The following PDE6A variants were observed in gnomAD, a reference collection of about 807,000 sequenced individuals.
The protein encoded by PDE6A is rod cGMP-specific 3',5'-cyclic phosphodiesterase subunit alpha.
In PDE6A, 84 loss-of-function variants were observed where a neutral mutation model predicts 106.3. That is an observed-to-expected ratio of 0.79 (90% confidence interval 0.66 to 0.95). The LOEUF is 0.95. Among genes scored for constraint, PDE6A ranks in the 40% least tolerant of loss-of-function variants. The probability of loss-of-function intolerance (pLI) is 0.00; values close to 1 mark genes in which losing one functional copy is unlikely to be tolerated. For missense variants in PDE6A, 1,052 were observed against 1,084.9 expected, an observed-to-expected ratio of 0.97 and a Z score of 0.43; for synonymous variants, 394 against 386.6, an observed-to-expected ratio of 1.02 and a Z score of -0.23.
chr5:149,943,923 A>G (rs1327104671), intron 1 of PDE6A, among the ~76,000 whole-genome samples: 3 of 152,234 alleles, frequency 2.0e-5, no homozygotes, highest in Non-Finnish European at 4.4e-5. Flanking sequence ...CAAATGGGTC[A>G]GAGAAAATGG....
intron 10 of PDE6A, among the ~76,000 whole-genome samples, chr5:149,898,129 T>A (rs1316139288): frequency 6.6e-6 from 1 of 152,194 alleles, no homozygotes; most frequent in Non-Finnish European, 1.5e-5. Context: ...GGCCACACAG[T>A]GCAGTCGTTA....
At position 149,896,508 on chromosome 5, in the gene PDE6A, T is replaced by C. The variant is rs770472432; in HGVS notation, c.1474-6A>G. On this transcript the variant is annotated splice_polypyrimidine_tract_variant and splice_region_variant and intron_variant, in intron 11 of 21. Transcript: ENST00000255266. ...GCATCTGGCAGCTCCGCTTGCTGTA[T>C]AAGGAATAGAGTCAGGTGATTAGGA... 1 of 1,614,212 alleles carries C rather than the reference T, an allele frequency of 6.2e-7. No homozygotes were observed. Among genetic ancestry groups the C allele is most frequent in the South Asian group, 1.1e-5 (1 of 91,078 alleles).
At position 149,890,113 on chromosome 5, in the gene PDE6A, T is replaced by C. The variant is rs181304632; in HGVS notation, c.1729-3739A>G. Among the ~76,000 whole-genome samples the C allele has an allele frequency of 2.8e-3, 427 of 151,710 alleles. 3 individuals carry two copies. Among genetic ancestry groups the C allele is most frequent in the Non-Finnish European group, 3.9e-3 (265 of 67,870 alleles). ...CGGGATTACAGACACACCACCACAC[T>C]AGGCTAATTTTTAAAATATTTTTGG... On this transcript the variant is annotated intron_variant, in intron 13 of 21. Transcript: ENST00000255266.
intron 17 of PDE6A, among the ~76,000 whole-genome samples, chr5:149,880,226 TGTTG>T (rs1760875147): frequency 6.6e-6 from 1 of 152,190 alleles, no homozygotes; most frequent in Admixed American, 6.5e-5. Flanking sequence ...TTTGTTTGTT[TGTTG>T]GTTGGTTGCT....
rs1161501944 is a variant in PDE6A, at chr5:149,863,184, T to C, written c.2441A>G (p.Asp814Gly). Residue 814 changes from aspartate (D) to glycine (G), a missense_variant, in exon 21 of 22, where the codon GAT (aspartate) becomes GGT (glycine). Physicochemically the swap from Asp to Gly is moderately conservative, Grantham distance 94. Coordinates refer to ENST00000255266, the MANE Select transcript of PDE6A (RefSeq NM_000440.3). This position sits in a 1 kb window ranked among gnomAD's most constrained non-coding sequence, Gnocchi z 4.7. The part of the protein sequence containing the change: ...NNRKEWKALA[D>G]EYDAKMKVQE... ...CACCTTCATCTTGGCATCGTACTCA[T>C]CAGCAAGCGCCTTCCACTCCTTGCG... 14 of 1,614,170 alleles carry C rather than the reference T, an allele frequency of 8.7e-6. No individual in the cohort carries two copies. The highest frequency in any genetic ancestry group is 1.3e-5 in the African/African-American group (1 of 75,036).
At position 149,859,348 on chromosome 5, in the gene PDE6A, A is replaced by T. The variant is rs1264182929; in HGVS notation, c.*1547T>A. The T allele has an allele frequency of 6.6e-6, 1 of 152,240 alleles. No individual in the cohort carries two copies. The highest frequency in any genetic ancestry group is 1.9e-4 in the East Asian group (1 of 5,206). 9.4% of individuals were successfully genotyped at this position (152,240 alleles called of 1,614,324 possible). ...GGCAAGCCAACCATTGAAAACGTTC[A>T]TGAGAATGAAGGAAGGTTGATTAAG... is the stretch of plus-strand genomic sequence containing the variant. On this transcript the variant is annotated 3_prime_UTR_variant, in exon 22 of 22. Transcript: ENST00000255266.
Position 149,918,422 on chromosome 5 carries a change from T to C in PDE6A, c.933+3213A>G, listed in dbSNP as rs188703087. 3.3e-5 allele frequency among the ~76,000 whole-genome samples: 5 copies of C among 152,334 alleles called. No individual in the cohort carries two copies. The East Asian group carries it at 7.7e-4, about 23-fold the overall frequency. Reference sequence around the variant, plus strand: ...TGGTGGTGGAATACGTATACTTCTCTGTGGATATCTGGATATACCTAAATG... The same window carrying C: ...TGGTGGTGGAATACGTATACTTCTCCGTGGATATCTGGATATACCTAAATG... On this transcript the variant is annotated intron_variant, in intron 5 of 21. Transcript: ENST00000255266.
At chr5:149,942,648 A>C (rs1754355025) in intron 1 of PDE6A, among the ~76,000 whole-genome samples, 2 of 152,098 alleles carry the variant, frequency 1.3e-5, no homozygotes, top group Admixed American at 6.5e-5. Flanking sequence ...GAGTTCCCTC[A>C]GTATTTATTG....
chr5:149,900,709 G>A (rs1230842454), intron 8 of PDE6A, among the ~76,000 whole-genome samples: 1 of 151,976 alleles, frequency 6.6e-6, no homozygotes, highest in Non-Finnish European at 1.5e-5. Context: ...CTTAGCACCT[G>A]GTGAGAGAGT....
chr5:149,869,309 G>A (rs1045183356), intron 17 of PDE6A, among the ~76,000 whole-genome samples: 15 of 142,762 alleles, frequency 1.1e-4, no homozygotes, highest in African/African-American at 3.2e-4. Context: ...TAGCCTGGGC[G>A]ACAGATCGAG....
chr5:149,896,809 A>G (rs777291892), intron 10 of PDE6A, 33 bp from the exon 11 acceptor site: 6 of 1,612,040 alleles, frequency 3.7e-6, no homozygotes, highest in Non-Finnish European at 5.1e-6. Context: ...GGGAAAAAAA[A>G]TAGGTTACAA....
At chr5:149,870,448 TAA>T (rs1561683462) in intron 17 of PDE6A, among the ~76,000 whole-genome samples, 1 of 152,158 alleles carries the variant, frequency 6.6e-6, no homozygotes, top group Admixed American at 6.5e-5. Context: ...GCTATGCATA[TAA>T]GAGTCACTGG....
At chr5:149,939,605 A>G (rs1754274283) in intron 1 of PDE6A, among the ~76,000 whole-genome samples, 1 of 152,222 alleles carries the variant, frequency 6.6e-6, no homozygotes, top group African/African-American at 2.4e-5. Context: ...TGTGCCAAGA[A>G]CACTGCTGAT....
chr5:149,883,802 T>C (rs1161752315), intron 16 of PDE6A, among the ~76,000 whole-genome samples: 3 of 152,232 alleles, frequency 2.0e-5, no homozygotes, highest in African/African-American at 7.2e-5. Context: ...ACTCACAGGC[T>C]TGTAGCAAGA....
chr5:149,897,839 G>A (rs1485753967), intron 10 of PDE6A, among the ~76,000 whole-genome samples: 1 of 152,040 alleles, frequency 6.6e-6, no homozygotes, highest in Non-Finnish European at 1.5e-5. Flanking sequence ...TGACCACCTT[G>A]GCCTCCCAAA....
intron 5 of PDE6A, among the ~76,000 whole-genome samples, chr5:149,920,473 C>T (rs766546777): frequency 2.0e-5 from 3 of 152,156 alleles, no homozygotes; most frequent in South Asian, 2.1e-4. Flanking sequence ...CCTAGCTACT[C>T]GGGAGGCTGA....
intron 4 of PDE6A, among the ~76,000 whole-genome samples, chr5:149,928,478 C>T (rs907985967): frequency 2.0e-5 from 3 of 151,776 alleles, no homozygotes; most frequent in East Asian, 1.9e-4. Context: ...CCTCGTGATC[C>T]GCCTGCCTCG....
chr5:149,907,264 T>C (rs1329531117), intron 7 of PDE6A, 48 bp downstream of exon 7: 2 of 1,362,808 alleles, frequency 1.5e-6, no homozygotes, highest in Non-Finnish European at 1.1e-6. Flanking sequence ...TTCCACTCTT[T>C]CTTCCACGTG....
chr5:149,940,878 T>C (rs553774793), intron 1 of PDE6A, among the ~76,000 whole-genome samples: 1 of 152,314 alleles, frequency 6.6e-6, no homozygotes, highest in Non-Finnish European at 1.5e-5. Flanking sequence ...AGTTTCCTTG[T>C]CTATTAAATA....
Sources: allele counts gnomAD v4.1 joint callset (sites outside exome capture counted in the v4.1 genomes callset), GRCh38; gene constraint gnomAD v4.1.1; non-coding constraint Gnocchi (gnomAD v3.1); transcripts MANE v1.5; gene names NCBI Gene and HGNC (gene_info 2026-07-23, HGNC 2026-07-21).